Variants in SETX observed in about 807,000 individuals in gnomAD.
SETX encodes senataxin.
Under a neutral mutation model 227.2 loss-of-function variants are expected in SETX, and 90 were observed. The observed-to-expected ratio is 0.40, with a 90% confidence interval of 0.33 to 0.47. The LOEUF is 0.47. SETX is among the 20% of genes least tolerant of loss of function. SETX has a pLI of 0.91. For missense variants in SETX, 3,052 were observed against 3,181.5 expected (o/e 0.96, Z 0.98); for synonymous variants, 1,210 against 1,113.2 (o/e 1.09, Z -1.73).
intron 10 of SETX, among the ~76,000 whole-genome samples, chr9:132,323,595 A>G (rs1014765102): frequency 1.3e-5 from 2 of 152,068 alleles, no homozygotes; most frequent in African/African-American, 4.8e-5. Context: ...CAATATGGAC[A>G]TGTTATTCAG....
rs755484893 is a variant in SETX at position 132,336,325 on chromosome 9, T to A, written c.689A>T (p.Asp230Val). The A allele has an allele frequency of 6.2e-7, 1 of 1,613,762 alleles. No homozygotes were observed. The highest frequency in any genetic ancestry group is 2.2e-5 in the East Asian group (1 of 44,876). Residue 230 changes from aspartate (D) to valine (V), a missense_variant, in exon 6 of 26, where the codon GAT (aspartate) becomes GTT (valine). Coordinates refer to ENST00000224140, the MANE Select transcript of SETX (RefSeq NM_015046.7). ...CCAATAGCTTTTGTAGTTGGTAGTATCATACATGTGTGAGGGCAGAAGAAT... is the reference window on the plus strand; with the variant it reads ...CCAATAGCTTTTGTAGTTGGTAGTAACATACATGTGTGAGGGCAGAAGAAT... ...KLILLPSHMYDTTNYKSYWLG... is the reference protein window; with the variant it reads ...KLILLPSHMYVTTNYKSYWLG...
At position 132,327,871 on chromosome 9, in the gene SETX, T is replaced by C; in HGVS notation, c.3727A>G (p.Lys1243Glu). 6.2e-7 allele frequency: 1 copy of C among 1,614,192 alleles called. No homozygotes were observed. The highest frequency in any genetic ancestry group is 8.5e-7 in the Non-Finnish European group (1 of 1,180,012). ...IRKVPVSKTP[K>E]KTHSDAKKGQ... Reference sequence around the variant, plus strand: ...TTTTTGGCATCTGAATGAGTTTTCTTAGGGGTCTTAGAAACTGGAACTTTC... The same window carrying C: ...TTTTTGGCATCTGAATGAGTTTTCTCAGGGGTCTTAGAAACTGGAACTTTC... Residue 1243 changes from lysine to glutamate, a missense_variant, in exon 10 of 26, where the codon AAG becomes GAG. Transcript: ENST00000224140.
At chr9:132,269,382 A>G (rs752153822) in intron 25 of SETX, 3 of 1,496,320 alleles carry the variant, frequency 2.0e-6, no homozygotes, top group Non-Finnish European at 2.7e-6. Flanking sequence ...TGATGTGGAT[A>G]ATTTGTTTTA....
At chr9:132,286,815 T>A (rs1843929324) in intron 17 of SETX, among the ~76,000 whole-genome samples, 1 of 152,254 alleles carries the variant, frequency 6.6e-6, no homozygotes, top group African/African-American at 2.4e-5. Context: ...GTGATGGGCA[T>A]CTAACACAGG....
In SETX at chr9:132,337,712, TG is replaced by T. The variant is rs1847713570; in HGVS notation, c.499-1198del. On this transcript the variant is annotated intron_variant, in intron 5 of 25. Coordinates refer to ENST00000224140, the MANE Select transcript of SETX (RefSeq NM_015046.7). Reference sequence around the variant, plus strand: ...AGAAGGGGAAAAGACTCTTGATTACTGTACAATCAATGTCAAGTGGTAAATA... The same window carrying T: ...AGAAGGGGAAAAGACTCTTGATTACTTACAATCAATGTCAAGTGGTAAATA... Among the ~76,000 whole-genome samples, 5 of 152,332 alleles carry T rather than the reference TG, an allele frequency of 3.3e-5. No individual in the cohort carries two copies. In the South Asian group the frequency reaches 1.0e-3, roughly 32 times the overall value.
chr9:132,270,833 T>C (rs1253975919), intron 24 of SETX, among the ~76,000 whole-genome samples: 4 of 152,204 alleles, frequency 2.6e-5, no homozygotes, highest in Non-Finnish European at 5.9e-5. Flanking sequence ...ATAGAATTGA[T>C]GTATGATAAA....
chr9:132,341,276 CAG>C (rs762978102), intron 5 of SETX, among the ~76,000 whole-genome samples: 7 of 152,118 alleles, frequency 4.6e-5, no homozygotes, highest in Non-Finnish European at 7.4e-5. Context: ...CTTGTCAACT[CAG>C]AGTTTCTCTC....
chr9:132,290,603 TCAC>T (rs1844237373), intron 15 of SETX, among the ~76,000 whole-genome samples: 1 of 123,838 alleles, frequency 8.1e-6, no homozygotes, highest in Non-Finnish European at 1.6e-5. Context: ...AAAAAAAAAT[TCAC>T]CACTACAGCC....
In SETX at chr9:132,300,689, A is replaced by G; in HGVS notation, c.5489T>C (p.Ile1830Thr). Residue 1830 changes from isoleucine (I) to threonine (T), a missense_variant, in exon 12 of 26, where the codon ATA becomes ACA. Physicochemically the swap from Ile to Thr is moderately conservative, Grantham distance 89 (BLOSUM62 -1). Coordinates refer to ENST00000224140, the MANE Select transcript of SETX (RefSeq NM_015046.7). ...EEKKDTERND[I>T]QDLHEYHSGY... ...AGAATGATATTCGTGGAGATCTTGT[A>G]TGTCATTTCTCTCTGTATCTTTCTT... 1 of 1,613,650 alleles carries G rather than the reference A, an allele frequency of 6.2e-7. No individual in the cohort carries two copies.
At chr9:132,337,906 C>T (rs1022918506) in intron 5 of SETX, among the ~76,000 whole-genome samples, 28 of 152,102 alleles carry the variant, frequency 1.8e-4, no homozygotes, top group African/African-American at 6.8e-4. Flanking sequence ...AGAAATGGGA[C>T]AGCACCTTCA....
intron 20 of SETX, among the ~76,000 whole-genome samples, chr9:132,280,133 G>C (rs928954991): frequency 6.6e-6 from 1 of 152,082 alleles, no homozygotes; most frequent in Non-Finnish European, 1.5e-5. Flanking sequence ...ACACACAAAT[G>C]CCTAGCAATA....
chr9:132,334,800 G>C (rs1222865481), intron 6 of SETX, 73 bp from the exon 7 acceptor site: 1 of 1,512,764 alleles, frequency 6.6e-7, no homozygotes, highest in Non-Finnish European at 9.2e-7. Context: ...GTTTGCAAAA[G>C]AATAACAAGG....
chr9:132,304,100 C>T (rs1305738114), intron 11 of SETX, among the ~76,000 whole-genome samples: 1 of 151,980 alleles, frequency 6.6e-6, no homozygotes, highest in Non-Finnish European at 1.5e-5. Flanking sequence ...AGCAAGACTC[C>T]GTCTCAAAAA....
intron 20 of SETX, among the ~76,000 whole-genome samples, chr9:132,279,246 T>C (rs866325033): frequency 6.6e-6 from 1 of 151,912 alleles, no homozygotes; most frequent in Non-Finnish European, 1.5e-5. Flanking sequence ...TACTTTCCGA[T>C]GGCAGCAACA....
rs1282462626 is a variant in SETX at position 132,298,038 on chromosome 9, A to G, written c.5781+42T>C. The G allele has an allele frequency of 2.0e-6, 3 of 1,513,706 alleles. No homozygotes were observed. The South Asian group carries it at 3.4e-5, about 17-fold the overall frequency. 93.8% of individuals were successfully genotyped at this position (1,513,706 alleles called of 1,614,324 possible). A position where few individuals can be genotyped will look rare whatever the true frequency, so the allele number is the denominator to read the frequency against. ...CAGCTAAAAAATATGATGCTTTAAC[A>G]TCTTAACATGAAATTATCTAGTATC... On this transcript the variant is annotated intron_variant, in intron 13 of 25. Transcript: ENST00000224140.
At position 132,327,947 on chromosome 9, in the gene SETX, C is replaced by A. The variant is rs111419285; in HGVS notation, c.3651G>T (p.Thr1217=). The part of the protein sequence containing the change: ...TPNSRIQRAT[T]VSQKKSSKLC... ...GCTTTGAAGACTTCTTTTGTGAAAC[C>A]GTAGTGGCTCTCTGAATACGTGAAT... Residue 1217 remains threonine, a synonymous_variant, in exon 10 of 26, where the codon ACG becomes ACT. Transcript: ENST00000224140. 757 of 1,614,000 alleles carry A rather than the reference C, an allele frequency of 4.7e-4. 5 individuals carry two copies. In the African/African-American group the frequency reaches 9.1e-3, roughly 19 times the overall value.
intron 5 of SETX, among the ~76,000 whole-genome samples, chr9:132,341,935 T>C (rs2131536055): frequency 6.6e-6 from 1 of 152,324 alleles, no homozygotes; most frequent in South Asian, 2.1e-4. Flanking sequence ...ATTATACCCC[T>C]TTAATTTCCT....
Position 132,262,542 on chromosome 9 carries a change from A to G in SETX, c.*1697T>C, listed in dbSNP as rs1211003690. The G allele has an allele frequency of 6.6e-6, 1 of 152,496 alleles. No homozygotes were observed. The highest frequency in any genetic ancestry group is 1.5e-5 in the Non-Finnish European group (1 of 68,062). The allele number at this position is 152,496 out of a possible 1,614,324, so 9.4% of individuals were successfully genotyped here. On this transcript the variant is annotated 3_prime_UTR_variant, in exon 26 of 26. Coordinates refer to ENST00000224140, the MANE Select transcript of SETX (RefSeq NM_015046.7). ...TGAACTGTCGCACACTGCATGGCCA[A>G]AGACAAACTCTCCACCCCCACAGAG...
intron 11 of SETX, among the ~76,000 whole-genome samples, chr9:132,303,028 T>C (rs1327172718): frequency 6.6e-6 from 1 of 152,070 alleles, no homozygotes; most frequent in African/African-American, 2.4e-5. Flanking sequence ...TTTTGATTTA[T>C]TTTTTTAGAG....
Sources: gnomAD v4.1 joint callset for allele counts (sites outside exome capture counted in the v4.1 genomes callset) on GRCh38, gnomAD v4.1.1 for gene constraint, MANE v1.5 for transcripts, NCBI Gene and HGNC (gene_info 2026-07-23, HGNC 2026-07-21) for gene names.